Variants in RNPEPL1 observed in about 807,000 individuals in gnomAD.
RNPEPL1 encodes the protein arginyl aminopeptidase like 1.
A neutral mutation model predicts 69.0 loss-of-function variants in RNPEPL1; 46 were observed. That is an observed-to-expected ratio of 0.67 (90% CI 0.53 to 0.85). The LOEUF is 0.85. Among genes scored for constraint, RNPEPL1 ranks in the 40% least tolerant of loss-of-function variants. RNPEPL1 has a pLI of 0.00. For missense variants in RNPEPL1, 869 were observed against 992.5 expected, an observed-to-expected ratio of 0.88 and a Z score of 1.67; for synonymous variants, 525 against 454.1, an observed-to-expected ratio of 1.16 and a Z score of -1.98.
intron 1 of RNPEPL1, among the ~76,000 whole-genome samples, chr2:240,571,099 C>CG (rs1212252383): frequency 6.6e-6 from 1 of 152,132 alleles, no homozygotes; most frequent in Non-Finnish European, 1.5e-5. Context: ...CCCAGCCCCC[C>CG]CCAAGGGGGA....
chr2:240,575,793 T>C (rs900889826), intron 8 of RNPEPL1, 183 bp downstream of exon 8: 5 of 593,078 alleles, frequency 8.4e-6, no homozygotes, highest in African/African-American at 5.6e-5. Context: ...AGGGCTGGGG[T>C]TGGGGGCCTC....
chr2:240,568,815 C>A lies in RNPEPL1; in HGVS notation c.229C>A (p.Leu77Ile). 9.0e-7 allele frequency: 1 copy of A among 1,112,672 alleles called. No individual in the cohort carries two copies. 68.9% of individuals were successfully genotyped at this position (1,112,672 alleles called of 1,614,324 possible). The change falls in exon 1 of 11, where the codon CTC (leucine) becomes ATC (isoleucine). Residue 77 changes from leucine to isoleucine, a missense_variant. Around this residue, in one of 2 missense-constraint regions of RNPEPL1, gnomAD observed 259 missense variants for 201.5 expected, o/e 1.29. Coordinates refer to ENST00000270357, the MANE Select transcript of RNPEPL1 (RefSeq NM_018226.6). The surrounding 1 kb of genome is among the most constrained non-coding windows in gnomAD (Gnocchi z 6.2). ...ALRPAPRALV[L>I]DAHPALRLHS... ...GCGGCCCGCGCCCCGCGCGCTCGTGCTCGACGCGCACCCGGCTCTGCGCCT... is the reference window on the plus strand; with the variant it reads ...GCGGCCCGCGCCCCGCGCGCTCGTGATCGACGCGCACCCGGCTCTGCGCCT...
Position 240,568,506 on chromosome 2 carries a change from C to A in RNPEPL1, c.-81C>A. The A allele has an allele frequency of 1.7e-6, 1 of 593,392 alleles. No individual in the cohort carries two copies. The highest frequency in any genetic ancestry group is 2.1e-6 in the Non-Finnish European group (1 of 475,040). The allele number at this position is 593,392 out of a possible 1,614,324, so 36.8% of individuals were successfully genotyped here. On this transcript the variant is annotated 5_prime_UTR_variant, in exon 1 of 11. Coordinates refer to ENST00000270357, the MANE Select transcript of RNPEPL1 (RefSeq NM_018226.6). This position sits in a 1 kb window ranked among gnomAD's most constrained non-coding sequence, Gnocchi z 6.2. ...CGCGACTTCCTGTTGTGCCCGCGCC[C>A]CGCCGCCGCCGCCGCCCGGCGCCCC...
In RNPEPL1 at chr2:240,581,043, G is replaced by A. The variant is rs1043244066; in HGVS notation, c.*3151G>A. On this transcript the variant is annotated 3_prime_UTR_variant, in exon 11 of 11. Coordinates refer to ENST00000270357, the MANE Select transcript of RNPEPL1 (RefSeq NM_018226.6). The stretch of plus-strand genomic sequence containing the variant: ...CTTATTGGTGGTGTTTCTCTCCTAA[G>A]GCCAGATGCTTTGCACAGAACATTA... The A allele has an allele frequency of 6.6e-6, 1 of 152,148 alleles. No homozygotes were observed. The highest frequency in any genetic ancestry group is 2.4e-5 in the African/African-American group (1 of 41,394). 9.4% of individuals were successfully genotyped at this position (152,148 alleles called of 1,614,324 possible). A position where few individuals can be genotyped will look rare whatever the true frequency, so the allele number is the denominator to read the frequency against.
intron 4 of RNPEPL1, 63 bp downstream of exon 4, chr2:240,573,954 G>T: frequency 3.4e-6 from 5 of 1,468,934 alleles, no homozygotes; most frequent in Non-Finnish European, 3.7e-6. Flanking sequence ...GGAGCCCCTC[G>T]TCTGACCCCT....
Position 240,568,604 on chromosome 2 carries a change from C to T in RNPEPL1, c.18C>T (p.Cys6=). The T allele has an allele frequency of 9.1e-6, 9 of 990,470 alleles. No individual in the cohort carries two copies. The highest frequency in any genetic ancestry group is 1.1e-5 in the Non-Finnish European group (9 of 836,062). The allele number at this position is 990,470 out of a possible 1,614,324, so 61.4% of individuals were successfully genotyped here. A position where few individuals can be genotyped will look rare whatever the true frequency, so the allele number is the denominator to read the frequency against. ...CGGCGGCCATGGCCGCGCAGTGCTGCTGCCGCCAGGCGCCCGGCGCCGAGG... is the reference window on the plus strand; with the variant it reads ...CGGCGGCCATGGCCGCGCAGTGCTGTTGCCGCCAGGCGCCCGGCGCCGAGG... MAAQC[C]CRQAPGAEAA... Residue 6 remains cysteine, a synonymous_variant, in exon 1 of 11, where the codon TGC becomes TGT. Coordinates refer to ENST00000270357, the MANE Select transcript of RNPEPL1 (RefSeq NM_018226.6). The surrounding 1 kb of genome is among the most constrained non-coding windows in gnomAD (Gnocchi z 6.2).
chr2:240,573,413 C>CGCCAGGGCCTTGCCT (rs1553610591), intron 3 of RNPEPL1, 152 bp downstream of exon 3: 9 of 750,126 alleles, frequency 1.2e-5, no homozygotes, highest in Non-Finnish European at 1.7e-5. Context: ...TTGGTGCCAC[C>CGCCAGGGCCTTGCCT]GCCAGGGCCC....
Position 240,573,300 on chromosome 2 carries a change from C to T in RNPEPL1, c.821+39C>T, listed in dbSNP as rs535025396. 1.3e-5 allele frequency: 20 copies of T among 1,529,716 alleles called. No individual in the cohort carries two copies. In the African/African-American group the frequency reaches 2.3e-4, roughly 18 times the overall value. The allele number at this position is 1,529,716 out of a possible 1,614,324, so 94.8% of individuals were successfully genotyped here. On this transcript the variant is annotated intron_variant, in intron 3 of 10. Coordinates refer to ENST00000270357, the MANE Select transcript of RNPEPL1 (RefSeq NM_018226.6). Reference sequence around the variant, plus strand: ...CTGGGGCCTTCTGGGGCTGCGCAGGCCTCGGGGAGAGCCCCACCGGGGGTC... The same window carrying T: ...CTGGGGCCTTCTGGGGCTGCGCAGGTCTCGGGGAGAGCCCCACCGGGGGTC...
chr2:240,581,056 G>C lies in RNPEPL1; in HGVS notation c.*3164G>C, dbSNP rs1001601880. On this transcript the variant is annotated 3_prime_UTR_variant, in exon 11 of 11. Coordinates refer to ENST00000270357, the MANE Select transcript of RNPEPL1 (RefSeq NM_018226.6). ...TTTCTCTCCTAAGGCCAGATGCTTT[G>C]CACAGAACATTAGGAAACTCCAGAT... The C allele has an allele frequency of 1.3e-5, 2 of 152,014 alleles. No individual in the cohort carries two copies. Among genetic ancestry groups the C allele is most frequent in the Admixed American group, 6.6e-5 (1 of 15,258 alleles). The allele number at this position is 152,014 out of a possible 1,614,324, so 9.4% of individuals were successfully genotyped here. A position where few individuals can be genotyped will look rare whatever the true frequency, so the allele number is the denominator to read the frequency against.
intron 7 of RNPEPL1, 90 bp from the exon 8 acceptor site, chr2:240,575,412 C>T (rs746267481): frequency 6.5e-5 from 74 of 1,135,942 alleles, no homozygotes; most frequent in Admixed American, 5.4e-4. Context: ...CGTACCTTGG[C>T]GCACGCCCTG....
intron 2 of RNPEPL1, 72 bp from the exon 3 acceptor site, chr2:240,573,038 A>G (rs902050822): frequency 3.7e-5 from 54 of 1,465,046 alleles, no homozygotes; most frequent in Non-Finnish European, 4.5e-5. Context: ...GGGCTGCCTG[A>G]CAGGCTCCCC....
intron 1 of RNPEPL1, among the ~76,000 whole-genome samples, chr2:240,569,947 C>T (rs2093016551): frequency 6.6e-6 from 1 of 152,214 alleles, no homozygotes; most frequent in Non-Finnish European, 1.5e-5. Context: ...GACATCTGGG[C>T]AGGAAGAACC....
rs751980361 is a variant in RNPEPL1 at position 240,573,896 on chromosome 2, G to GC, written c.938+9dup. 6.3e-7 allele frequency: 1 copy of GC among 1,578,438 alleles called. No individual in the cohort carries two copies. Among genetic ancestry groups the GC allele is most frequent in the East Asian group, 2.3e-5 (1 of 43,020 alleles). ...TGGGCCCTACATGTGGGGCAGGTAGGCCCCGGGGACCTGTGGACCTGGCTG... is the reference window on the plus strand; with the variant it reads ...TGGGCCCTACATGTGGGGCAGGTAGGCCCCCGGGGACCTGTGGACCTGGCTG... On this transcript the variant is annotated splice_donor_region_variant and intron_variant, in intron 4 of 10. Transcript: ENST00000270357.
rs1369712609 is a variant in RNPEPL1, at chr2:240,578,739, G to A, written c.*847G>A. 1 of 152,642 alleles carries A rather than the reference G, an allele frequency of 6.6e-6. No homozygotes were observed. The highest frequency in any genetic ancestry group is 2.4e-5 in the African/African-American group (1 of 41,442). The allele number at this position is 152,642 out of a possible 1,614,324, so 9.5% of individuals were successfully genotyped here. On this transcript the variant is annotated 3_prime_UTR_variant, in exon 11 of 11. Coordinates refer to ENST00000270357, the MANE Select transcript of RNPEPL1 (RefSeq NM_018226.6). ...TTCCACTCTGCAAACCTGATCTCCTGCGCTCTTTCTCGCGACTCTTGTCCT... is the reference window on the plus strand; with the variant it reads ...TTCCACTCTGCAAACCTGATCTCCTACGCTCTTTCTCGCGACTCTTGTCCT...
chr2:240,577,720 T>G lies in RNPEPL1; in HGVS notation c.2006T>G (p.Ile669Ser). 6.2e-7 allele frequency: 1 copy of G among 1,612,582 alleles called. No homozygotes were observed. The highest frequency in any genetic ancestry group is 8.5e-7 in the Non-Finnish European group (1 of 1,179,716). ...CTGCACCCCAACCTGCGCAGAGCCA[T>G]CCAGCAGATCCTGTCCCAGGGCCTG... ...GRLHPNLRRAIQQILSQGLGS... is the reference protein window; with the variant it reads ...GRLHPNLRRASQQILSQGLGS... Residue 669 changes from isoleucine (I) to serine (S), a missense_variant, in exon 11 of 11, where the codon ATC becomes AGC. By Grantham distance (142) the Ile-to-Ser change is moderately radical (BLOSUM62 -2). Coordinates refer to ENST00000270357, the MANE Select transcript of RNPEPL1 (RefSeq NM_018226.6).
intron 6 of RNPEPL1, 105 bp downstream of exon 6, chr2:240,574,733 G>A: frequency 9.5e-7 from 1 of 1,050,860 alleles, no homozygotes; most frequent in South Asian, 1.4e-5. Flanking sequence ...GTCCTGCACT[G>A]TGCCTGGACC....
Position 240,575,617 on chromosome 2 carries a change from C to G in RNPEPL1, c.1510+7C>G, listed in dbSNP as rs2093035415. 1 of 1,610,760 alleles carries G rather than the reference C, an allele frequency of 6.2e-7. No homozygotes were observed. The highest frequency in any genetic ancestry group is 8.5e-7 in the Non-Finnish European group (1 of 1,177,964). ...AGCGTGGACTGCCGGGCAGGTGAGG[C>G]TGACCCCCAACCCTGCAGCCAGGGA... On this transcript the variant is annotated splice_region_variant and intron_variant, in intron 8 of 10. Transcript: ENST00000270357.
At chr2:240,569,589 A>G (rs755269033) in intron 1 of RNPEPL1, among the ~76,000 whole-genome samples, 3 of 152,160 alleles carry the variant, frequency 2.0e-5, no homozygotes, top group Non-Finnish European at 4.4e-5. Flanking sequence ...CGCGACCCCA[A>G]CATAGACACA....
intron 10 of RNPEPL1, 90 bp from the exon 11 acceptor site, chr2:240,577,509 G>A: frequency 2.1e-6 from 3 of 1,403,554 alleles, no homozygotes; most frequent in Non-Finnish European, 2.9e-6. Flanking sequence ...GGAAGCCAGG[G>A]GCAGGAGGGC....
Sources: allele counts gnomAD v4.1 joint callset (sites outside exome capture counted in the v4.1 genomes callset), GRCh38; gene constraint gnomAD v4.1.1; regional missense constraint gnomAD v4.1.1; non-coding constraint Gnocchi (gnomAD v3.1); transcripts MANE v1.5; gene names NCBI Gene and HGNC (gene_info 2026-07-23, HGNC 2026-07-21).